ZRANB3: variants seen among roughly 807,000 people sequenced by gnomAD.
ZRANB3 encodes the protein DNA annealing helicase and endonuclease ZRANB3.
ZRANB3 carries 125 observed loss-of-function variants against 133.8 expected under a neutral mutation model. The ratio of observed to expected loss-of-function variants is 0.93; its 90% CI spans 0.81 to 1.08. ZRANB3 has a LOEUF of 1.08. Ranked by LOEUF, ZRANB3 falls within the 50% of genes least tolerant of loss-of-function variation. The pLI, the probability that ZRANB3 is intolerant of heterozygous loss-of-function variation, is 0.00. For missense variants in ZRANB3, 1,229 were observed against 1,275.5 expected (o/e 0.96, Z 0.56); for synonymous variants, 387 against 432.7 (o/e 0.89, Z 1.31).
rs537180385 is a variant in ZRANB3, at chr2:135,346,347, G to A, written c.592-712C>T. On this transcript the variant is annotated intron_variant, in intron 5 of 20. Transcript: ENST00000264159. ...GATCTTCTGACCTCATGATCCACCC[G>A]CCTTGGCCTCCCAAAGTGCTGGAAT... Among the ~76,000 whole-genome samples the A allele has an allele frequency of 9.5e-3, 1,444 of 152,112 alleles. 18 individuals are homozygous for A. The highest frequency in any genetic ancestry group is 0.012 in the Non-Finnish European group (848 of 67,994).
intron 2 of ZRANB3, among the ~76,000 whole-genome samples, chr2:135,499,603 T>G (rs1445334577): frequency 6.6e-6 from 1 of 152,202 alleles, no homozygotes; most frequent in Non-Finnish European, 1.5e-5. Context: ...TGACAAGGTA[T>G]TAAATTTTAC....
chr2:135,232,061 A>G (rs947519641), intron 12 of ZRANB3, among the ~76,000 whole-genome samples: 2 of 152,156 alleles, frequency 1.3e-5, no homozygotes, highest in African/African-American at 4.8e-5. Context: ...GAGGTGACAG[A>G]TGGCACCTGG....
intron 3 of ZRANB3, among the ~76,000 whole-genome samples, chr2:135,383,380 C>G (rs1409563497): frequency 6.6e-6 from 1 of 152,148 alleles, no homozygotes; most frequent in Non-Finnish European, 1.5e-5. Context: ...GACTTAGACT[C>G]CTATACAATA....
At chr2:135,262,268 T>C (rs1016572866) in intron 12 of ZRANB3, among the ~76,000 whole-genome samples, 1 of 151,844 alleles carries the variant, frequency 6.6e-6, no homozygotes, top group Non-Finnish European at 1.5e-5. Flanking sequence ...TCTAATATTC[T>C]AGAAAAAAAT....
At chr2:135,251,668 C>T (rs764906511) in intron 12 of ZRANB3, among the ~76,000 whole-genome samples, 4 of 152,192 alleles carry the variant, frequency 2.6e-5, no homozygotes, top group Admixed American at 6.5e-5. Flanking sequence ...TTGCCGCCAA[C>T]ATGTAAGAAG....
intron 12 of ZRANB3, among the ~76,000 whole-genome samples, chr2:135,234,194 A>G (rs2105073351): frequency 6.6e-6 from 1 of 152,360 alleles, no homozygotes; most frequent in African/African-American, 2.4e-5. Flanking sequence ...AAAGAGACAA[A>G]GAAGGCCATT....
chr2:135,388,599 A>G (rs1310959521), intron 3 of ZRANB3, among the ~76,000 whole-genome samples: 1 of 152,220 alleles, frequency 6.6e-6, no homozygotes, highest in Non-Finnish European at 1.5e-5. Context: ...GCATATACAT[A>G]TATGACATAT....
At chr2:135,506,468 C>T (rs1693195147) in intron 1 of ZRANB3, among the ~76,000 whole-genome samples, 1 of 151,998 alleles carries the variant, frequency 6.6e-6, no homozygotes, top group Non-Finnish European at 1.5e-5. Flanking sequence ...CCGAGATAAA[C>T]AAGAGCCAAA....
intron 3 of ZRANB3, among the ~76,000 whole-genome samples, chr2:135,385,335 T>C (rs1280357192): frequency 6.6e-6 from 1 of 152,024 alleles, no homozygotes; most frequent in African/African-American, 2.4e-5. Context: ...CTCAATGAAA[T>C]AAAAGAGGAT....
At chr2:135,399,101 T>C (rs1054070591) in intron 2 of ZRANB3, among the ~76,000 whole-genome samples, 4 of 152,182 alleles carry the variant, frequency 2.6e-5, no homozygotes, top group Non-Finnish European at 5.9e-5. Context: ...AGATATTTCA[T>C]TGATTTACTT....
At chr2:135,487,552 T>C (rs1238799566) in intron 2 of ZRANB3, among the ~76,000 whole-genome samples, 1 of 152,250 alleles carries the variant, frequency 6.6e-6, no homozygotes, top group Non-Finnish European at 1.5e-5. Flanking sequence ...ATCAATGATC[T>C]TAGCTAGATC....
chr2:135,279,363 A>G (rs1680990943), intron 8 of ZRANB3, among the ~76,000 whole-genome samples: 1 of 152,206 alleles, frequency 6.6e-6, no homozygotes, highest in Non-Finnish European at 1.5e-5. Flanking sequence ...GGCTGTTAAG[A>G]ACTTTAGCCT....
At chr2:135,233,970 A>C (rs1468194146) in intron 12 of ZRANB3, among the ~76,000 whole-genome samples, 1 of 152,244 alleles carries the variant, frequency 6.6e-6, no homozygotes, top group East Asian at 1.9e-4. Flanking sequence ...AAATGGGCTA[A>C]ATGCTCCAAT....
At chr2:135,307,709 G>A (rs1269660724) in intron 8 of ZRANB3, among the ~76,000 whole-genome samples, 11 of 152,122 alleles carry the variant, frequency 7.2e-5, no homozygotes. Flanking sequence ...AGTACAGACT[G>A]AGGAAATGAT....
intron 2 of ZRANB3, among the ~76,000 whole-genome samples, chr2:135,410,771 G>T (rs1225756268): frequency 7.8e-6 from 1 of 129,014 alleles, no homozygotes; most frequent in Non-Finnish European, 1.5e-5. Flanking sequence ...AATCAACAAG[G>T]AGAAAACAAC....
intron 12 of ZRANB3, among the ~76,000 whole-genome samples, chr2:135,236,312 T>C (rs1695282116): frequency 6.6e-6 from 1 of 151,976 alleles, no homozygotes; most frequent in African/African-American, 2.4e-5. Context: ...TGGAAGAACA[T>C]TCCATGCTCA....
chr2:135,288,461 G>A lies in ZRANB3; in HGVS notation c.967-12706C>T, dbSNP rs1681505808. ...TACTGCCTTCATATAATGATTTAGG[G>A]AGGATTCCCACTTTATCTTTCGGAA... On this transcript the variant is annotated intron_variant, in intron 8 of 20. Coordinates refer to ENST00000264159, the MANE Select transcript of ZRANB3 (RefSeq NM_032143.4). 3.9e-5 allele frequency among the ~76,000 whole-genome samples: 6 copies of A among 152,098 alleles called. No homozygotes were observed. The South Asian group carries it at 1.2e-3, about 32-fold the overall frequency.
At chr2:135,261,824 T>C (rs950591935) in intron 12 of ZRANB3, among the ~76,000 whole-genome samples, 3 of 152,108 alleles carry the variant, frequency 2.0e-5, no homozygotes, top group Non-Finnish European at 4.4e-5. Flanking sequence ...GGATTTCTAT[T>C]GACTTTATTG....
At chr2:135,447,530 G>A (rs1317145047) in intron 2 of ZRANB3, among the ~76,000 whole-genome samples, 1 of 152,010 alleles carries the variant, frequency 6.6e-6, no homozygotes, top group Non-Finnish European at 1.5e-5. Flanking sequence ...TGCTTCTTCT[G>A]AGGACAGTCT....
Sources: gnomAD v4.1 joint callset for allele counts (sites outside exome capture counted in the v4.1 genomes callset) on GRCh38, gnomAD v4.1.1 for gene constraint, MANE v1.5 for transcripts, NCBI Gene and HGNC (gene_info 2026-07-23, HGNC 2026-07-21) for gene names.